Variants in NAE1 observed in about 807,000 individuals in gnomAD.
NAE1 encodes the protein NEDD8-activating enzyme E1 regulatory subunit.
A neutral mutation model predicts 88.0 loss-of-function variants in NAE1; 59 were observed. The observed-to-expected ratio is 0.67, with a 90% CI of 0.54 to 0.83. The LOEUF is 0.83. NAE1 is among the 40% of genes least tolerant of loss of function. NAE1 has a pLI of 0.00. For missense variants in NAE1, 554 were observed against 632.8 expected, an observed-to-expected ratio of 0.88 and a Z score of 1.34; for synonymous variants, 186 against 208.9, an observed-to-expected ratio of 0.89 and a Z score of 0.95.
chr16:66,824,631 T>C, intron 4 of NAE1: 1 of 360,676 alleles, frequency 2.8e-6, no homozygotes, highest in East Asian at 4.8e-5. Context: ...ATATTAACAT[T>C]ACTCAAGATT....
chr16:66,813,524 C>G, intron 13 of NAE1, 40 bp downstream of exon 13: 1 of 1,561,542 alleles, frequency 6.4e-7, no homozygotes, highest in Non-Finnish European at 8.7e-7. Context: ...CTAATATAAT[C>G]AGACTTTTTC....
At chr16:66,808,012 T>G (rs1380969594) in intron 17 of NAE1, among the ~76,000 whole-genome samples, 1 of 151,912 alleles carries the variant, frequency 6.6e-6, no homozygotes, top group Admixed American at 6.6e-5. Flanking sequence ...CAGGTGATCC[T>G]CCCGAGTAGC....
chr16:66,824,863 T>C lies in NAE1; in HGVS notation c.241A>G (p.Ile81Val), dbSNP rs1469226597. ...GNNFFLQRSS[I>V]GKNRAEAAME... ...ATTCTCTAATTGTTTACCTTGCCGATACTGCTTCTTTGAAGGAAGAAACTA... is the reference window on the plus strand; with the variant it reads ...ATTCTCTAATTGTTTACCTTGCCGACACTGCTTCTTTGAAGGAAGAAACTA... Residue 81 changes from isoleucine to valine, a missense_variant, in exon 4 of 20, where the codon ATC (isoleucine) becomes GTC (valine). Coordinates refer to ENST00000290810, the MANE Select transcript of NAE1 (RefSeq NM_003905.4). 1 of 1,610,404 alleles carries C rather than the reference T, an allele frequency of 6.2e-7. No homozygotes were observed. The highest frequency in any genetic ancestry group is 1.3e-5 in the African/African-American group (1 of 74,834).
rs777123168 is a variant in NAE1 at position 66,808,998 on chromosome 16, C to A, written c.1228G>T (p.Asp410Tyr). ...EEYGLDTINK[D>Y]EIISSMDNPD... ...AGGCTATTATACTTACTAATTTCAT[C>A]CTTGTTAATTGTATCCAAACCATAT... The change falls in exon 16 of 20, where the codon GAT becomes TAT. Residue 410 changes from aspartate to tyrosine, a missense_variant. Transcript: ENST00000290810. 4.4e-6 allele frequency: 7 copies of A among 1,602,508 alleles called. No homozygotes were observed. The highest frequency in any genetic ancestry group is 5.1e-6 in the Non-Finnish European group (6 of 1,172,006).
intron 5 of NAE1, 63 bp downstream of exon 5, chr16:66,823,466 G>C: frequency 6.9e-7 from 1 of 1,458,384 alleles, no homozygotes; most frequent in Non-Finnish European, 9.4e-7. Context: ...AAATTTCTGG[G>C]GCTTTGAATT....
intron 17 of NAE1, among the ~76,000 whole-genome samples, chr16:66,806,579 C>T (rs1233939326): frequency 6.6e-6 from 1 of 152,084 alleles, no homozygotes; most frequent in Non-Finnish European, 1.5e-5. Flanking sequence ...AGTGCGCCAC[C>T]ACACACAGCT....
intron 5 of NAE1, 96 bp from the exon 6 acceptor site, chr16:66,823,402 G>C: frequency 7.7e-7 from 1 of 1,298,658 alleles, no homozygotes; most frequent in Non-Finnish European, 1.1e-6. Flanking sequence ...TACAACAAAT[G>C]AGGCAACAAT....
intron 5 of NAE1, 45 bp downstream of exon 5, chr16:66,823,484 A>G: frequency 6.5e-7 from 1 of 1,529,870 alleles, no homozygotes; most frequent in South Asian, 1.2e-5. Context: ...ATTATTTAAA[A>G]AATTGTATTT....
chr16:66,803,901 A>T (rs779914270), intron 19 of NAE1, among the ~76,000 whole-genome samples: 39 of 152,156 alleles, frequency 2.6e-4, no homozygotes, highest in Non-Finnish European at 4.9e-4. Flanking sequence ...CCGACTGGAT[A>T]GAATTTGAGA....
At chr16:66,808,863 A>G in intron 16 of NAE1, 126 bp downstream of exon 16, 3 of 663,042 alleles carry the variant, frequency 4.5e-6, no homozygotes, top group Non-Finnish European at 7.2e-6. Context: ...AGCTTAGAAT[A>G]AAATTAGAAT....
chr16:66,822,353 T>C (rs1960296979), intron 6 of NAE1, among the ~76,000 whole-genome samples: 1 of 152,124 alleles, frequency 6.6e-6, no homozygotes. Flanking sequence ...GGCAGATGAC[T>C]TGGGGCCAGG....
chr16:66,808,905 A>G, intron 16 of NAE1, 84 bp downstream of exon 16: 1 of 873,118 alleles, frequency 1.1e-6, no homozygotes, highest in South Asian at 2.1e-5. Flanking sequence ...TCATCACCAT[A>G]TACTCAACAC....
In NAE1 at chr16:66,821,478, A is replaced by G. The variant is rs1960255798; in HGVS notation, c.483T>C (p.Tyr161=). ...GATGTTCTTTTATAATGATCCTCAT[A>G]TAACCAACTAGTCCATATGTCCTAC... ...LICRTYGLVG[Y]MRIIIKEHPV... The change falls in exon 7 of 20, where the codon TAT becomes TAC. Residue 161 remains tyrosine, a synonymous_variant. Transcript: ENST00000290810. The G allele has an allele frequency of 6.3e-7, 1 of 1,595,044 alleles. No homozygotes were observed. The highest frequency in any genetic ancestry group is 1.2e-5 in the South Asian group (1 of 86,302).
chr16:66,812,916 G>A (rs1199296342), intron 13 of NAE1, among the ~76,000 whole-genome samples: 5 of 150,300 alleles, frequency 3.3e-5, no homozygotes, highest in African/African-American at 7.4e-5. Flanking sequence ...TCCGCCTCCC[G>A]GGTTCACGCT....
Position 66,826,740 on chromosome 16 carries a change from G to A in NAE1, c.94C>T (p.His32Tyr), listed in dbSNP as rs11556607. The A allele has an allele frequency of 3.1e-6, 5 of 1,614,028 alleles. No individual in the cohort carries two copies. Among genetic ancestry groups the A allele is most frequent in the Non-Finnish European group, 4.2e-6 (5 of 1,179,990 alleles). Residue 32 changes from histidine to tyrosine, a missense_variant, in exon 2 of 20, where the codon CAT becomes TAT. His to Tyr is a moderately conservative substitution (Grantham distance 83, BLOSUM62 2). Coordinates refer to ENST00000290810, the MANE Select transcript of NAE1 (RefSeq NM_003905.4). ...DHGQEALESA[H>Y]VCLINATATG... is the part of the protein sequence containing the mutation. ...GCTGTTGCATTTATTAGGCAAACATGAGCAGATTCTAAAGCCTCTTGCCCA... is the reference window on the plus strand; with the variant it reads ...GCTGTTGCATTTATTAGGCAAACATAAGCAGATTCTAAAGCCTCTTGCCCA...
Position 66,826,747 on chromosome 16 carries a change from T to C in NAE1, c.87A>G (p.Glu29=). Residue 29 remains glutamate (E), a synonymous_variant, in exon 2 of 20, where the codon GAA becomes GAG. Coordinates refer to ENST00000290810, the MANE Select transcript of NAE1 (RefSeq NM_003905.4). ...LWGDHGQEAL[E]SAHVCLINAT... ...CATTTATTAGGCAAACATGAGCAGA[T>C]TCTAAAGCCTCTTGCCCATGATCAC... 3 of 1,613,974 alleles carry C rather than the reference T, an allele frequency of 1.9e-6. No individual in the cohort carries two copies.
At chr16:66,817,302 A>AT in intron 9 of NAE1, 123 bp downstream of exon 9, 1 of 894,368 alleles carries the variant, frequency 1.1e-6, no homozygotes, top group Non-Finnish European at 1.8e-6. Flanking sequence ...AAAAGCATCC[A>AT]TTTGCCCTAC....
chr16:66,811,733 C>T (rs970237241), intron 13 of NAE1, among the ~76,000 whole-genome samples: 4 of 152,192 alleles, frequency 2.6e-5, no homozygotes, highest in African/African-American at 9.7e-5. Flanking sequence ...ATTTACCTTT[C>T]ACCCTCTAAA....
intron 13 of NAE1, among the ~76,000 whole-genome samples, chr16:66,811,677 C>A (rs1297055712): frequency 6.6e-6 from 1 of 152,172 alleles, no homozygotes. Flanking sequence ...GCTGGGAATA[C>A]AGGTGTGAGC....
Sources: allele counts gnomAD v4.1 joint callset (sites outside exome capture counted in the v4.1 genomes callset), GRCh38; gene constraint gnomAD v4.1.1; transcripts MANE v1.5; gene names NCBI Gene and HGNC (gene_info 2026-07-23, HGNC 2026-07-21).